TAX1BP1: variants seen among roughly 807,000 people sequenced by gnomAD.
The protein encoded by TAX1BP1 is Tax1 binding protein 1.
In TAX1BP1, 62 loss-of-function variants were observed where a neutral mutation model predicts 97.7. The observed-to-expected ratio is 0.63, with a 90% CI of 0.52 to 0.78. TAX1BP1 has a LOEUF of 0.78. Ranked by LOEUF, TAX1BP1 falls within the 30% of genes least tolerant of loss-of-function variation. The pLI is 0.00. For missense variants in TAX1BP1, 867 were observed against 916.1 expected, an observed-to-expected ratio of 0.95 and a Z score of 0.69; for synonymous variants, 340 against 304.2, an observed-to-expected ratio of 1.12 and a Z score of -1.23.
chr7:27,804,527 C>T (rs1258958179), intron 13 of TAX1BP1, among the ~76,000 whole-genome samples: 1 of 152,224 alleles, frequency 6.6e-6, no homozygotes, highest in East Asian at 1.9e-4. Context: ...GGTTAAGGCT[C>T]AGTCCCACAG....
At chr7:27,799,178 G>C (rs1307457390) in intron 12 of TAX1BP1, among the ~76,000 whole-genome samples, 1 of 151,988 alleles carries the variant, frequency 6.6e-6, no homozygotes. Flanking sequence ...GTTAATTTTT[G>C]TGTATAATAT....
In TAX1BP1 at chr7:27,784,926, G is replaced by A. The variant is rs572922449; in HGVS notation, c.613-237G>A. ...TGAGCTGTGATTGTGCCACCATACT[G>A]CAGCCTGAGTGACAAAGTGAGACCC... On this transcript the variant is annotated intron_variant, in intron 5 of 16. Coordinates refer to ENST00000396319, the MANE Select transcript of TAX1BP1 (RefSeq NM_006024.7). 3.5e-4 allele frequency among the ~76,000 whole-genome samples: 53 copies of A among 152,140 alleles called. 2 individuals carry two copies. The South Asian group carries it at 0.011, about 31-fold the overall frequency.
At chr7:27,810,854 G>T (rs796795127) in intron 13 of TAX1BP1, among the ~76,000 whole-genome samples, 1 of 152,070 alleles carries the variant, frequency 6.6e-6, no homozygotes, top group African/African-American at 2.4e-5. Flanking sequence ...CATATGTTCT[G>T]TATCTTTTTA....
At chr7:27,756,843 A>T (rs1183379732) in intron 2 of TAX1BP1, among the ~76,000 whole-genome samples, 4 of 152,148 alleles carry the variant, frequency 2.6e-5, no homozygotes, top group African/African-American at 7.2e-5. Flanking sequence ...TAAAGAGATG[A>T]ATAGTGTCAA....
intron 15 of TAX1BP1, 116 bp downstream of exon 15, chr7:27,817,154 G>A: frequency 7.9e-6 from 10 of 1,270,082 alleles, no homozygotes; most frequent in Non-Finnish European, 1.1e-5. Flanking sequence ...GTGTGTGGAA[G>A]GAGAGTGTGT....
At chr7:27,827,659 C>A in intron 15 of TAX1BP1, 79 bp from the exon 16 acceptor site, 3 of 1,100,726 alleles carry the variant, frequency 2.7e-6, no homozygotes, top group Admixed American at 2.0e-5. Context: ...TTTATACTGT[C>A]AGTATGTGCT....
chr7:27,787,547 T>G lies in TAX1BP1; in HGVS notation c.982T>G (p.Cys328Gly). Residue 328 changes from cysteine (C) to glycine (G), a missense_variant, in exon 8 of 17, where the codon TGT (cysteine) becomes GGT (glycine). Physicochemically the swap from Cys to Gly is radical, Grantham distance 159. Coordinates refer to ENST00000396319, the MANE Select transcript of TAX1BP1 (RefSeq NM_006024.7). ...FKEEIGRLQLCLAEKENLQRT... is the reference protein window; with the variant it reads ...FKEEIGRLQLGLAEKENLQRT... ...AGAAGAGATTGGCAGGCTGCAGTTA[T>G]GTTTGGCTGAAAAGGAAAATCTGCA... 1 of 1,613,432 alleles carries G rather than the reference T, an allele frequency of 6.2e-7. No homozygotes were observed. The highest frequency in any genetic ancestry group is 8.5e-7 in the Non-Finnish European group (1 of 1,179,688).
chr7:27,773,458 T>C (rs561136178), intron 5 of TAX1BP1, among the ~76,000 whole-genome samples: 1 of 152,164 alleles, frequency 6.6e-6, no homozygotes, highest in East Asian at 1.9e-4. Context: ...TACCTTCTGA[T>C]TGCTTCCCCC....
chr7:27,785,089 C>A, intron 5 of TAX1BP1, 74 bp from the exon 6 acceptor site: 11 of 1,444,172 alleles, frequency 7.6e-6, no homozygotes, highest in Non-Finnish European at 1.0e-5. Context: ...ACATAGTTTT[C>A]TTAAAGATAT....
chr7:27,786,120 T>C (rs1282681816), intron 7 of TAX1BP1, among the ~76,000 whole-genome samples: 42 of 151,752 alleles, frequency 2.8e-4, no homozygotes, highest in Non-Finnish European at 1.5e-5. Flanking sequence ...TCTTGACCGC[T>C]TGAAGTTTTG....
Position 27,742,805 on chromosome 7 carries a change from C to T in TAX1BP1, c.-8+2536C>T, listed in dbSNP as rs573100475. ...ATTGTAGACCGCTGTTTATAGTTCT[C>T]ACTGCAGCCATGTTTGTAGAATTAA... On this transcript the variant is annotated intron_variant, in intron 1 of 16. Coordinates refer to ENST00000396319, the MANE Select transcript of TAX1BP1 (RefSeq NM_006024.7). Among the ~76,000 whole-genome samples the T allele has an allele frequency of 5.9e-3, 891 of 152,306 alleles. 9 individuals are homozygous for T. The highest frequency in any genetic ancestry group is 8.9e-3 in the Non-Finnish European group (607 of 68,032).
In TAX1BP1 at chr7:27,809,437, C is replaced by G. The variant is rs141359651; in HGVS notation, c.1765-6912C>G. 7.9e-5 allele frequency among the ~76,000 whole-genome samples: 12 copies of G among 152,142 alleles called. No homozygotes were observed. The East Asian group carries it at 1.3e-3, about 17-fold the overall frequency. Reference sequence around the variant, plus strand: ...TAGTGAATAGATACAATTTTTTTTGCCCATGTAAGTTCATGGACCTCCTGA... The same window carrying G: ...TAGTGAATAGATACAATTTTTTTTGGCCATGTAAGTTCATGGACCTCCTGA... On this transcript the variant is annotated intron_variant, in intron 13 of 16. Transcript: ENST00000396319.
intron 5 of TAX1BP1, among the ~76,000 whole-genome samples, 181 bp downstream of exon 5, chr7:27,770,015 G>A (rs1476304184): frequency 6.6e-6 from 1 of 152,042 alleles, no homozygotes; most frequent in African/African-American, 2.4e-5. Flanking sequence ...CTGCTTTTAT[G>A]TTTGTAAGAT....
intron 15 of TAX1BP1, among the ~76,000 whole-genome samples, chr7:27,821,090 A>AT (rs1170882028): frequency 1.3e-5 from 2 of 152,196 alleles, no homozygotes; most frequent in Non-Finnish European, 2.9e-5. Context: ...CTGTAATTGA[A>AT]TATGTCATCA....
At chr7:27,817,306 CAG>C (rs1184878205) in intron 15 of TAX1BP1, among the ~76,000 whole-genome samples, 3 of 152,154 alleles carry the variant, frequency 2.0e-5, no homozygotes, top group Non-Finnish European at 2.9e-5. Context: ...AGAATAATCT[CAG>C]AATATTGTAG....
chr7:27,758,158 C>T, intron 3 of TAX1BP1, 25 bp downstream of exon 3: 2 of 1,525,056 alleles, frequency 1.3e-6, no homozygotes, highest in Non-Finnish European at 9.0e-7. Flanking sequence ...CTGCAGAACT[C>T]AATGAAACTA....
intron 2 of TAX1BP1, among the ~76,000 whole-genome samples, chr7:27,757,531 A>G (rs1011384159): frequency 3.9e-5 from 6 of 152,120 alleles, no homozygotes; most frequent in African/African-American, 9.7e-5. Flanking sequence ...GAATTTTGAT[A>G]TATGTGAAAA....
chr7:27,781,281 G>A (rs1262717407), intron 5 of TAX1BP1, among the ~76,000 whole-genome samples: 2 of 152,166 alleles, frequency 1.3e-5, no homozygotes, highest in Non-Finnish European at 2.9e-5. Context: ...ATGGGGATAC[G>A]TTCTTAGAAA....
Position 27,793,130 on chromosome 7 carries a change from A to G in TAX1BP1, c.1328A>G (p.Gln443Arg). Residue 443 changes from glutamine to arginine, a missense_variant, in exon 10 of 17, where the codon CAG becomes CGG. Physicochemically the swap from Gln to Arg is conservative, Grantham distance 43. Coordinates refer to ENST00000396319, the MANE Select transcript of TAX1BP1 (RefSeq NM_006024.7). The part of the protein sequence containing the change: ...REVEDLKLRL[Q>R]MAADHYKEKF... ...GTTGAAGATCTGAAACTCCGTCTTC[A>G]GATGGCTGCAGACCATTATAAAGAA... 6.2e-7 allele frequency: 1 copy of G among 1,604,802 alleles called. No individual in the cohort carries two copies. The highest frequency in any genetic ancestry group is 1.1e-5 in the South Asian group (1 of 88,590).
Sources: allele counts gnomAD v4.1 joint callset (sites outside exome capture counted in the v4.1 genomes callset), GRCh38; gene constraint gnomAD v4.1.1; transcripts MANE v1.5; gene names NCBI Gene and HGNC (gene_info 2026-07-23, HGNC 2026-07-21).